The following GALNT10 variants were observed in gnomAD, a reference collection of about 807,000 sequenced individuals.
GALNT10 encodes polypeptide N-acetylgalactosaminyltransferase 10, also known as GalNAc transferase 10.
Under a neutral mutation model 75.0 loss-of-function variants are expected in GALNT10, and 41 were observed. The ratio of observed to expected loss-of-function variants is 0.55; its 90% CI spans 0.43 to 0.71. The LOEUF is 0.71. GALNT10 is among the 30% of genes least tolerant of loss of function. GALNT10 has a pLI of 0.00. For missense variants in GALNT10, 727 were observed against 818.5 expected (o/e 0.89, Z 1.36); for synonymous variants, 302 against 313.0 (o/e 0.96, Z 0.37).
rs145927720 is a variant in GALNT10, at chr5:154,346,540, T to A, written c.568+16802T>A. On this transcript the variant is annotated intron_variant, in intron 4 of 11. Coordinates refer to ENST00000297107, the MANE Select transcript of GALNT10 (RefSeq NM_198321.4). Reference sequence around the variant, plus strand: ...TTTCAGCAGGACTGAACATTTTTAGTCATCTAACAAAGACATTTCATCTCA... The same window carrying A: ...TTTCAGCAGGACTGAACATTTTTAGACATCTAACAAAGACATTTCATCTCA... 3.9e-5 allele frequency among the ~76,000 whole-genome samples: 6 copies of A among 152,352 alleles called. No individual in the cohort carries two copies. In the East Asian group the frequency reaches 1.2e-3, roughly 29 times the overall value.
At chr5:154,398,380 G>T (rs1467350761) in intron 7 of GALNT10, among the ~76,000 whole-genome samples, 1 of 152,252 alleles carries the variant, frequency 6.6e-6, no homozygotes, top group Non-Finnish European at 1.5e-5. Flanking sequence ...CCTGGTCAAA[G>T]ATGATCCAGC....
intron 3 of GALNT10, among the ~76,000 whole-genome samples, chr5:154,319,270 G>A (rs1209578134): frequency 6.6e-6 from 1 of 152,218 alleles, no homozygotes; most frequent in Non-Finnish European, 1.5e-5. Context: ...AAATGCACAT[G>A]TGCAGAGGAG....
chr5:154,409,074 A>T lies in GALNT10; in HGVS notation c.1165-467A>T, dbSNP rs980585815. On this transcript the variant is annotated intron_variant, in intron 8 of 11. Transcript: ENST00000297107. This position sits in a 1 kb window ranked among gnomAD's most constrained non-coding sequence, Gnocchi z 4.5. ...CAGCAATCCAAGCAGAAACAGAACG[A>T]TTCTTCCAATAGTTCCTGCAAAAAT... Among the ~76,000 whole-genome samples, 1 of 152,136 alleles carries T rather than the reference A, an allele frequency of 6.6e-6. No homozygotes were observed. Among genetic ancestry groups the T allele is most frequent in the African/African-American group, 2.4e-5 (1 of 41,424 alleles).
Position 154,190,809 on chromosome 5 carries a change from G to GGACGCT in GALNT10, c.-58_-57insGACGCT, listed in dbSNP as rs1581911064. On this transcript the variant is annotated 5_prime_UTR_variant, in exon 1 of 12. Transcript: ENST00000297107. ...CGCCGCCGGGCGGACGGGCGGACGC[G>GGACGCT]CGGAGCTGGGGGCGGCGCGGCGGGG... The GGACGCT allele has an allele frequency of 6.3e-6, 6 of 958,520 alleles. No individual in the cohort carries two copies. The East Asian group carries it at 4.0e-4, about 63-fold the overall frequency. The allele number at this position is 958,520 out of a possible 1,614,324, so 59.4% of individuals were successfully genotyped here.
chr5:154,389,976 T>C (rs1450019312), intron 7 of GALNT10, among the ~76,000 whole-genome samples: 1 of 152,120 alleles, frequency 6.6e-6, no homozygotes. Flanking sequence ...AAAACATATT[T>C]TCCAAGAAAA....
At chr5:154,355,305 T>C (rs562468143) in intron 4 of GALNT10, among the ~76,000 whole-genome samples, 2 of 152,350 alleles carry the variant, frequency 1.3e-5, no homozygotes, top group South Asian at 2.1e-4. Context: ...CATATCTGTT[T>C]ATCTGCCTCC....
At chr5:154,249,597 A>G (rs1753483742) in intron 1 of GALNT10, among the ~76,000 whole-genome samples, 1 of 152,034 alleles carries the variant, frequency 6.6e-6, no homozygotes, top group Admixed American at 6.6e-5. Context: ...TGTGGGTTTC[A>G]GGATAGATGG....
intron 1 of GALNT10, among the ~76,000 whole-genome samples, chr5:154,287,312 C>T (rs1754125482): frequency 6.6e-6 from 1 of 152,178 alleles, no homozygotes; most frequent in Non-Finnish European, 1.5e-5. Flanking sequence ...GCATCCTGCT[C>T]ACTCCAGCCA....
At chr5:154,272,334 G>A (rs1195105519) in intron 1 of GALNT10, among the ~76,000 whole-genome samples, 1 of 152,198 alleles carries the variant, frequency 6.6e-6, no homozygotes, top group African/African-American at 2.4e-5. Context: ...CCTAGGTAAT[G>A]GCAGGGAGTC....
intron 1 of GALNT10, among the ~76,000 whole-genome samples, chr5:154,196,076 A>T (rs985026985): frequency 4.6e-5 from 7 of 152,186 alleles, no homozygotes; most frequent in African/African-American, 1.7e-4. Context: ...GGCATGCGCC[A>T]CCAAGCCTGG....
At chr5:154,207,568 C>G (rs1252839856) in intron 1 of GALNT10, among the ~76,000 whole-genome samples, 1 of 152,110 alleles carries the variant, frequency 6.6e-6, no homozygotes, top group African/African-American at 2.4e-5. Flanking sequence ...CATAGGAGAG[C>G]CAGTGGACCC....
chr5:154,390,870 A>G (rs550706642), intron 7 of GALNT10, among the ~76,000 whole-genome samples: 1 of 152,380 alleles, frequency 6.6e-6, no homozygotes, highest in African/African-American at 2.4e-5. Flanking sequence ...GTTATTTACA[A>G]TAGACTTGGT....
chr5:154,296,222 G>GATT (rs1754269535), intron 2 of GALNT10, among the ~76,000 whole-genome samples: 1 of 152,274 alleles, frequency 6.6e-6, no homozygotes, highest in East Asian at 1.9e-4. Context: ...AAGTAGCTGG[G>GATT]ATTACAGACC....
chr5:154,257,219 C>T (rs1753628230), intron 1 of GALNT10, among the ~76,000 whole-genome samples: 1 of 152,250 alleles, frequency 6.6e-6, no homozygotes, highest in African/African-American at 2.4e-5. Flanking sequence ...TTTAGCAGTT[C>T]CCCAAAGCTA....
intron 3 of GALNT10, among the ~76,000 whole-genome samples, chr5:154,304,477 C>T (rs567206007): frequency 1.3e-5 from 2 of 152,048 alleles, no homozygotes; most frequent in Non-Finnish European, 2.9e-5. Flanking sequence ...CTTTAAAGTA[C>T]AGAAATGTCA....
rs114461018 is a variant in GALNT10, at chr5:154,309,479, G to C, written c.401+11400G>C. Among the ~76,000 whole-genome samples, 1,444 of 152,332 alleles carry C rather than the reference G, an allele frequency of 9.5e-3. 26 individuals carry two copies. The highest frequency in any genetic ancestry group is 0.033 in the African/African-American group (1,357 of 41,556). The stretch of plus-strand genomic sequence containing the variant: ...AATAGACTGTAGGCAGCCAAGGGTG[G>C]AAGCAGGGAGACTAGTTAGGAGTAT... On this transcript the variant is annotated intron_variant, in intron 3 of 11. Coordinates refer to ENST00000297107, the MANE Select transcript of GALNT10 (RefSeq NM_198321.4).
intron 4 of GALNT10, among the ~76,000 whole-genome samples, chr5:154,332,790 C>T (rs1010916185): frequency 5.9e-5 from 9 of 152,110 alleles, no homozygotes; most frequent in Admixed American, 1.3e-4. Flanking sequence ...GGTGCTGGCC[C>T]GCATCTGTGT....
chr5:154,378,382 A>C (rs939802156), intron 5 of GALNT10, among the ~76,000 whole-genome samples: 2 of 151,952 alleles, frequency 1.3e-5, no homozygotes, highest in Non-Finnish European at 2.9e-5. Flanking sequence ...TCTCAGCCAC[A>C]TTAACATTTG....
In GALNT10 at chr5:154,284,390, A is replaced by T. The variant is rs192394964; in HGVS notation, c.160-10426A>T. On this transcript the variant is annotated intron_variant, in intron 1 of 11. Coordinates refer to ENST00000297107, the MANE Select transcript of GALNT10 (RefSeq NM_198321.4). ...GATTATGATTATAATTATTACTATTATTAGAGCAAGTACTTTATTACTGCG... is the reference window on the plus strand; with the variant it reads ...GATTATGATTATAATTATTACTATTTTTAGAGCAAGTACTTTATTACTGCG... 1.6e-3 allele frequency among the ~76,000 whole-genome samples: 248 copies of T among 152,350 alleles called. 7 individuals are homozygous for T. The South Asian group carries it at 0.048, about 30-fold the overall frequency.
Sources: allele counts gnomAD v4.1 joint callset (sites outside exome capture counted in the v4.1 genomes callset), GRCh38; gene constraint gnomAD v4.1.1; non-coding constraint Gnocchi (gnomAD v3.1); transcripts MANE v1.5; gene names NCBI Gene and HGNC (gene_info 2026-07-23, HGNC 2026-07-21).